The following BRCA2 variants were observed in gnomAD, a reference collection of about 807,000 sequenced individuals.
BRCA2 encodes the protein breast cancer type 2 susceptibility protein.
BRCA2 carries 203 observed loss-of-function variants against 276.7 expected under a neutral mutation model. The observed-to-expected ratio is 0.73, with a 90% CI of 0.65 to 0.82. The LOEUF is 0.82. Ranked by LOEUF, BRCA2 falls within the 40% of genes least tolerant of loss-of-function variation. BRCA2 has a pLI of 0.00. For synonymous variants in BRCA2, 1,289 were observed against 1,338.4 expected (o/e 0.96, Z 0.81); for missense variants, 3,920 against 3,915.0 (o/e 1.00, Z -0.03).
intron 3 of BRCA2, among the ~76,000 whole-genome samples, chr13:32,319,611 A>G (rs534527001): frequency 2.0e-5 from 3 of 152,342 alleles, no homozygotes; most frequent in Admixed American, 6.5e-5. Context: ...AAAAAAACCT[A>G]GGACTTGTTT....
rs80358647 is a variant in BRCA2 at position 32,338,321 on chromosome 13, C to A, written c.3966C>A (p.Asn1322Lys). The change falls in exon 11 of 27, where the codon AAC becomes AAA. Residue 1322 changes from asparagine to lysine, a missense_variant. Asn to Lys is a moderately conservative substitution (Grantham distance 94). Transcript: ENST00000380152. ...NYKRNTENED[N>K]KYTAASRNSH... ...AGAGAAATACTGAAAATGAAGATAA[C>A]AAATATACTGCTGCCAGTAGAAATT... 1 of 1,586,342 alleles carries A rather than the reference C, an allele frequency of 6.3e-7. No homozygotes were observed. Among genetic ancestry groups the A allele is most frequent in the Non-Finnish European group, 8.6e-7 (1 of 1,169,068 alleles).
Position 32,341,219 on chromosome 13 carries a change from C to T in BRCA2, c.6841+23C>T, listed in dbSNP as rs373654536. The stretch of plus-strand genomic sequence containing the variant: ...TGGGTAAGTGTTCATTTTTACCTTT[C>T]GTGTTGCCAATCACTATTTTTAAAG... On this transcript the variant is annotated intron_variant, in intron 11 of 26. Coordinates refer to ENST00000380152, the MANE Select transcript of BRCA2 (RefSeq NM_000059.4). The T allele has an allele frequency of 1.5e-5, 25 of 1,613,410 alleles. No individual in the cohort carries two copies. The South Asian group carries it at 1.8e-4, about 11-fold the overall frequency.
rs1057522266 is a variant in BRCA2 at position 32,339,581 on chromosome 13, C to G, written c.5226C>G (p.Asn1742Lys). The G allele has an allele frequency of 2.5e-6, 4 of 1,610,150 alleles. No homozygotes were observed. The highest frequency in any genetic ancestry group is 2.2e-5 in the South Asian group (2 of 90,630). ...AAAAACAAGATACTTATTTAAGTAACAGTAGCATGTCTAACAGCTATTCCT... is the reference window on the plus strand; with the variant it reads ...AAAAACAAGATACTTATTTAAGTAAGAGTAGCATGTCTAACAGCTATTCCT... Reference protein sequence around the residue: ...LSEKQDTYLSNSSMSNSYSYH... With the variant: ...LSEKQDTYLSKSSMSNSYSYH... The change falls in exon 11 of 27, where the codon AAC becomes AAG. Residue 1742 changes from asparagine (N) to lysine (K), a missense_variant. This residue lies in a region of BRCA2 where 3,263 missense variants were observed against 3,156.9 expected (regional missense o/e 1.03). Transcript: ENST00000380152.
intron 13 of BRCA2, among the ~76,000 whole-genome samples, chr13:32,353,548 C>T (rs1487308308): frequency 2.0e-5 from 3 of 152,110 alleles, no homozygotes; most frequent in Non-Finnish European, 4.4e-5. Flanking sequence ...CTAATGTTCC[C>T]CTTGCTCTCC....
At position 32,354,995 on chromosome 13, in the gene BRCA2, C is replaced by A. The variant is rs746751519; in HGVS notation, c.7142C>A (p.Pro2381Gln). The A allele has an allele frequency of 1.2e-6, 2 of 1,613,632 alleles. No homozygotes were observed. The highest frequency in any genetic ancestry group is 3.3e-5 in the Admixed American group (2 of 59,998). ...AGCAATTTAGCAGTTTCAGGACATC[C>A]ATTTTATCAAGTTTCTGCTACAAGA... ...SSSNLAVSGHPFYQVSATRNE... is the reference protein window; with the variant it reads ...SSSNLAVSGHQFYQVSATRNE... Residue 2381 changes from proline (P) to glutamine (Q), a missense_variant, in exon 14 of 27, where the codon CCA becomes CAA. By Grantham distance (76) the Pro-to-Gln change is moderately conservative. Transcript: ENST00000380152.
intron 8 of BRCA2, 118 bp from the exon 9 acceptor site, chr13:32,330,801 C>G: frequency 1.5e-6 from 1 of 669,758 alleles, no homozygotes; most frequent in Admixed American, 2.7e-5. Context: ...ATTTTTGGAC[C>G]TAGGTTGATT....
At position 32,329,804 on chromosome 13, in the gene BRCA2, A is replaced by G. The variant is rs576334130; in HGVS notation, c.681+312A>G. ...TATATATATATTAAAAATGTGTAGTATTTATATATATATACCTATAATCTT... is the reference window on the plus strand; with the variant it reads ...TATATATATATTAAAAATGTGTAGTGTTTATATATATATACCTATAATCTT... On this transcript the variant is annotated intron_variant, in intron 8 of 26. Transcript: ENST00000380152. Among the ~76,000 whole-genome samples the G allele has an allele frequency of 2.1e-4, 31 of 145,624 alleles. No homozygotes were observed. The East Asian group carries it at 5.6e-3, about 26-fold the overall frequency.
At chr13:32,326,210 A>G (rs2137450051) in intron 5 of BRCA2, 32 bp from the exon 6 acceptor site, 1 of 1,611,878 alleles carries the variant, frequency 6.2e-7, no homozygotes, top group Non-Finnish European at 8.5e-7. Flanking sequence ...TAAAAATAAA[A>G]CTTAACAATT....
rs1060502379 is a variant in BRCA2 at position 32,333,392 on chromosome 13, C to A, written c.1909+5C>A. 6.2e-7 allele frequency: 1 copy of A among 1,607,896 alleles called. No individual in the cohort carries two copies. The highest frequency in any genetic ancestry group is 1.1e-5 in the South Asian group (1 of 88,610). On this transcript the variant is annotated splice_donor_5th_base_variant and intron_variant, in intron 10 of 26. Coordinates refer to ENST00000380152, the MANE Select transcript of BRCA2 (RefSeq NM_000059.4). ...CATTTGCAAATGCTGATTCAGGTAC[C>A]TCTGTCTTTTTTTTTTTGTAAATAG...
chr13:32,399,050 C>T lies in BRCA2; in HGVS notation c.*280C>T, dbSNP rs2073061291. 2.6e-6 allele frequency: 1 copy of T among 378,160 alleles called. No individual in the cohort carries two copies. Among genetic ancestry groups the T allele is most frequent in the South Asian group, 3.5e-5 (1 of 28,388 alleles). 23.4% of individuals were successfully genotyped at this position (378,160 alleles called of 1,614,324 possible). On this transcript the variant is annotated 3_prime_UTR_variant, in exon 27 of 27. Coordinates refer to ENST00000380152, the MANE Select transcript of BRCA2 (RefSeq NM_000059.4). ...GCTCGGTGGCTCATGCCTGTAATCCCAACACTTTGAGAAGCTGAGGTGGGA... is the reference window on the plus strand; with the variant it reads ...GCTCGGTGGCTCATGCCTGTAATCCTAACACTTTGAGAAGCTGAGGTGGGA...
chr13:32,355,730 A>AATAC (rs2072688566), intron 14 of BRCA2, among the ~76,000 whole-genome samples: 1 of 151,472 alleles, frequency 6.6e-6, no homozygotes, highest in Admixed American at 6.6e-5. Context: ...TAAATAAATA[A>AATAC]ATAGCTGAGC....
rs1370337754 is a variant in BRCA2 at position 32,399,090 on chromosome 13, C to T, written c.*320C>T. On this transcript the variant is annotated 3_prime_UTR_variant, in exon 27 of 27. Coordinates refer to ENST00000380152, the MANE Select transcript of BRCA2 (RefSeq NM_000059.4). ...CTGAGGTGGGAGGAGTGCTTGAGGC[C>T]AGGAGTTCAAGACCAGCCTGGGCAA... 3.2e-6 allele frequency: 1 copy of T among 308,984 alleles called. No individual in the cohort carries two copies. The highest frequency in any genetic ancestry group is 2.2e-5 in the African/African-American group (1 of 45,790). 19.1% of individuals were successfully genotyped at this position (308,984 alleles called of 1,614,324 possible). A position where few individuals can be genotyped will look rare whatever the true frequency, so the allele number is the denominator to read the frequency against.
rs80358626 is a variant in BRCA2 at position 32,338,190 on chromosome 13, A to G, written c.3835A>G (p.Asn1279Asp). 1.4e-5 allele frequency: 22 copies of G among 1,565,110 alleles called. No individual in the cohort carries two copies. Among genetic ancestry groups the G allele is most frequent in the Non-Finnish European group, 1.6e-5 (19 of 1,154,938 alleles). Reference sequence around the variant, plus strand: ...TTCAATGTTTAAGATAGAAAATCATAATGATAAAACTGTAAGTGAAAAAAA... The same window carrying G: ...TTCAATGTTTAAGATAGAAAATCATGATGATAAAACTGTAAGTGAAAAAAA... ...VVSMFKIENH[N>D]DKTVSEKNNK... is the part of the protein sequence containing the mutation. The change falls in exon 11 of 27, where the codon AAT (asparagine) becomes GAT (aspartate). Residue 1279 changes from asparagine to aspartate, a missense_variant. This residue lies in a region of BRCA2 where 3,263 missense variants were observed against 3,156.9 expected (regional missense o/e 1.03). Coordinates refer to ENST00000380152, the MANE Select transcript of BRCA2 (RefSeq NM_000059.4).
intron 20 of BRCA2, among the ~76,000 whole-genome samples, chr13:32,372,889 G>C (rs1429425454): frequency 6.6e-6 from 1 of 152,042 alleles, no homozygotes. Flanking sequence ...TACAATGGGG[G>C]TACAGGCATT....
Position 32,398,858 on chromosome 13 carries a change from T to G in BRCA2, c.*88T>G. The G allele has an allele frequency of 6.7e-7, 1 of 1,483,250 alleles. No homozygotes were observed. Among genetic ancestry groups the G allele is most frequent in the Non-Finnish European group, 9.1e-7 (1 of 1,100,908 alleles). 91.9% of individuals were successfully genotyped at this position (1,483,250 alleles called of 1,614,324 possible). ...ATAATTTCAAACCACACATTAGTAC[T>G]TATGTTGCACAATGAGAAAAGAAAT... On this transcript the variant is annotated 3_prime_UTR_variant, in exon 27 of 27. Coordinates refer to ENST00000380152, the MANE Select transcript of BRCA2 (RefSeq NM_000059.4).
intron 7 of BRCA2, among the ~76,000 whole-genome samples, chr13:32,328,199 A>G (rs2072363829): frequency 6.6e-6 from 1 of 152,108 alleles, no homozygotes; most frequent in African/African-American, 2.4e-5. Context: ...TAATAATGGG[A>G]AAAAAAGTAA....
chr13:32,377,088 C>T (rs1256402950), intron 21 of BRCA2, among the ~76,000 whole-genome samples: 1 of 152,218 alleles, frequency 6.6e-6, no homozygotes, highest in East Asian at 1.9e-4. Context: ...AGCAAAAAAA[C>T]TTTTTTATTT....
chr13:32,344,060 A>G (rs1417593608), intron 11 of BRCA2, among the ~76,000 whole-genome samples: 1 of 151,672 alleles, frequency 6.6e-6, no homozygotes, highest in African/African-American at 2.4e-5. Context: ...AATTGTTTCT[A>G]TTACTAGTAC....
chr13:32,355,804 C>T (rs1222131041), intron 14 of BRCA2, among the ~76,000 whole-genome samples: 15 of 151,686 alleles, frequency 9.9e-5, no homozygotes, highest in African/African-American at 2.7e-4. Flanking sequence ...CGTTTGAACC[C>T]GGGAGGCAGA....
Sources: gnomAD v4.1 joint callset for allele counts (sites outside exome capture counted in the v4.1 genomes callset) on GRCh38, gnomAD v4.1.1 for gene constraint, gnomAD v4.1.1 regional missense constraint, MANE v1.5 for transcripts, NCBI Gene and HGNC (gene_info 2026-07-23, HGNC 2026-07-21) for gene names.